ZNF469: variants seen among roughly 807,000 people sequenced by gnomAD.
The protein encoded by ZNF469 is zinc finger protein 469.
Under a neutral mutation model 1.0 loss-of-function variants are expected in ZNF469, and 1 was observed. That is an observed-to-expected ratio of 1.00 (90% CI 0.35 to 4.73). The LOEUF is 4.73. Among genes scored for constraint, ZNF469 ranks in the 30% most tolerant of loss-of-function variants. The pLI is 0.16. For missense variants in ZNF469, 6,100 were observed against 5,356.3 expected (o/e 1.14, Z -4.33); for synonymous variants, 2,703 against 2,363.4 (o/e 1.14, Z -4.17).
the ZNF469 span, among the ~76,000 whole-genome samples, chr16:88,364,380 T>C: frequency 2.6e-5 from 4 of 151,906 alleles, no homozygotes; most frequent in Non-Finnish European, 5.9e-5. Context: ...AGTCACAATA[T>C]CTTGTGGTGG....
the ZNF469 span, among the ~76,000 whole-genome samples, chr16:88,232,338 G>A: frequency 1.6e-4 from 24 of 152,252 alleles, no homozygotes; most frequent in Middle Eastern, 3.4e-3. Flanking sequence ...CACCCAATAC[G>A]GCTGGTCAAT....
At chr16:88,197,757 A>G in the ZNF469 span, among the ~76,000 whole-genome samples, 21 of 152,166 alleles carry the variant, frequency 1.4e-4, 1 homozygote, top group Admixed American at 5.2e-4. Context: ...GTCCACTTCT[A>G]CGTTTGCACC....
the ZNF469 span, among the ~76,000 whole-genome samples, chr16:88,118,365 T>A: frequency 6.6e-6 from 1 of 152,140 alleles, no homozygotes; most frequent in South Asian, 2.1e-4. Context: ...GGGCTCTCCA[T>A]AGCCCCACCC....
chr16:88,357,861 G>A, the ZNF469 span, among the ~76,000 whole-genome samples: 5 of 152,314 alleles, frequency 3.3e-5, no homozygotes, highest in Admixed American at 6.5e-5. Flanking sequence ...AAGGGAGGCC[G>A]GAGGGAGCCG....
chr16:88,171,860 T>G, the ZNF469 span, among the ~76,000 whole-genome samples: 3 of 152,322 alleles, frequency 2.0e-5, no homozygotes, highest in South Asian at 6.2e-4. Flanking sequence ...ACTCAAAATT[T>G]TACTGCTATT....
chr16:88,298,899 G>C, the ZNF469 span, among the ~76,000 whole-genome samples: 1 of 152,228 alleles, frequency 6.6e-6, no homozygotes, highest in African/African-American at 2.4e-5. Context: ...TCCCTCTTCT[G>C]TGTAAAATCC....
chr16:88,303,991 G>C, the ZNF469 span, among the ~76,000 whole-genome samples: 1 of 152,208 alleles, frequency 6.6e-6, no homozygotes, highest in Non-Finnish European at 1.5e-5. Flanking sequence ...GCTTTTGCAA[G>C]GAGCTGCTGA....
the ZNF469 span, among the ~76,000 whole-genome samples, chr16:88,286,404 C>T: frequency 6.6e-6 from 1 of 152,274 alleles, no homozygotes; most frequent in Non-Finnish European, 1.5e-5. Context: ...CTGCTCTGAG[C>T]TCGCTGGTGC....
At chr16:88,353,601 C>T in the ZNF469 span, among the ~76,000 whole-genome samples, 190 of 152,348 alleles carry the variant, frequency 1.2e-3, no homozygotes, top group African/African-American at 4.4e-3. Flanking sequence ...GCCTTCCCTG[C>T]TCGGTGTTGC....
At chr16:88,175,895 G>A in the ZNF469 span, among the ~76,000 whole-genome samples, 1 of 152,200 alleles carries the variant, frequency 6.6e-6, no homozygotes, top group Non-Finnish European at 1.5e-5. Flanking sequence ...TTCTGGAGTT[G>A]GAGGACACTG....
chr16:88,384,315 C>A (rs2092532594), intron 1 of ZNF469, among the ~76,000 whole-genome samples: 1 of 152,222 alleles, frequency 6.6e-6, no homozygotes, highest in Admixed American at 6.5e-5. Flanking sequence ...GTCGGGTGGA[C>A]AAAGGTGTCT....
At chr16:88,318,818 C>A in the ZNF469 span, among the ~76,000 whole-genome samples, 1 of 152,254 alleles carries the variant, frequency 6.6e-6, no homozygotes, top group African/African-American at 2.4e-5. Context: ...CCGAACAGCG[C>A]GTGCAAGGGG....
the ZNF469 span, among the ~76,000 whole-genome samples, chr16:88,265,885 A>G: frequency 0.57 from 87,346 of 151,936 alleles, 27,058 homozygotes; most frequent in East Asian, 0.92. Context: ...TTTGGTTTAG[A>G]TGAAGGTGGT....
chr16:88,107,725 G>T, the ZNF469 span, among the ~76,000 whole-genome samples: 7 of 152,210 alleles, frequency 4.6e-5, no homozygotes, highest in African/African-American at 1.7e-4. Context: ...GGACATAGAC[G>T]CGGAGGCAGA....
chr16:88,116,530 G>T, the ZNF469 span, among the ~76,000 whole-genome samples: 5 of 152,170 alleles, frequency 3.3e-5, no homozygotes, highest in African/African-American at 1.2e-4. Flanking sequence ...AAATGAAGAC[G>T]TATCTTCATG....
chr16:88,267,447 A>T, the ZNF469 span, among the ~76,000 whole-genome samples: 1 of 152,216 alleles, frequency 6.6e-6, no homozygotes, highest in Admixed American at 6.5e-5. Flanking sequence ...CGTGGTGAGG[A>T]GGGGTCCGGG....
At chr16:88,199,727 G>T in the ZNF469 span, among the ~76,000 whole-genome samples, 1 of 152,200 alleles carries the variant, frequency 6.6e-6, no homozygotes, top group African/African-American at 2.4e-5. Flanking sequence ...GGACAGTGCT[G>T]GCCATAGGGC....
chr16:88,130,783 C>T, the ZNF469 span, among the ~76,000 whole-genome samples: 1 of 151,508 alleles, frequency 6.6e-6, no homozygotes, highest in African/African-American at 2.4e-5. Context: ...GGTTCAGACA[C>T]ACGAAGACAG....
chr16:88,333,845 G>A, the ZNF469 span, among the ~76,000 whole-genome samples: 1 of 127,376 alleles, frequency 7.9e-6, no homozygotes, highest in Admixed American at 7.8e-5. Context: ...GGGGTGGGGG[G>A]GACGTGGGGG....
Sources: gnomAD v4.1 joint callset for allele counts (sites outside exome capture counted in the v4.1 genomes callset) on GRCh38, gnomAD v4.1.1 for gene constraint, MANE v1.5 for transcripts, NCBI Gene and HGNC (gene_info 2026-07-23, HGNC 2026-07-21) for gene names.